The following PLAG1 variants were observed in gnomAD, a reference collection of about 807,000 sequenced individuals.
PLAG1 encodes the protein zinc finger protein PLAG1.
In PLAG1, 7 loss-of-function variants were observed where a neutral mutation model predicts 35.5. That is an observed-to-expected ratio of 0.20 (90% confidence interval 0.11 to 0.37). The LOEUF (loss-of-function observed/expected upper bound fraction) is 0.37. Ranked by LOEUF, PLAG1 falls within the 10% of genes least tolerant of loss-of-function variation. The pLI, the probability that PLAG1 is intolerant of heterozygous loss-of-function variation, is 1.00. For missense variants in PLAG1, 454 were observed against 602.8 expected (o/e 0.75, Z 2.58); for synonymous variants, 229 against 225.4 (o/e 1.02, Z -0.14).
chr8:56,179,952 G>C (rs1160987345), intron 1 of PLAG1, among the ~76,000 whole-genome samples: 1 of 152,044 alleles, frequency 6.6e-6, no homozygotes, highest in Admixed American at 6.5e-5. Flanking sequence ...CAGGCCACCT[G>C]TCCACAGAGA....
chr8:56,201,028 G>A (rs1585824778), intron 1 of PLAG1, among the ~76,000 whole-genome samples: 2 of 152,046 alleles, frequency 1.3e-5, no homozygotes, highest in East Asian at 1.9e-4. Context: ...GTTTATTATA[G>A]GGGAGACACA....
chr8:56,206,561 G>C (rs1812707460), intron 1 of PLAG1, among the ~76,000 whole-genome samples: 1 of 151,870 alleles, frequency 6.6e-6, no homozygotes, highest in South Asian at 2.1e-4. Flanking sequence ...CGGTAAAATA[G>C]AAAAGAATTC....
chr8:56,164,585 C>G lies in PLAG1; in HGVS notation c.*1658G>C. ...CTGTTTTTTTTTAAAGAGATATATA[C>G]TCTTCTAAAAACCTCCCACCCTTGC... is the stretch of plus-strand genomic sequence containing the variant. On this transcript the variant is annotated 3_prime_UTR_variant, in exon 5 of 5. Transcript: ENST00000316981. 2 of 222,114 alleles carry G rather than the reference C, an allele frequency of 9.0e-6. No homozygotes were observed. Among genetic ancestry groups the G allele is most frequent in the Non-Finnish European group, 1.8e-5 (2 of 110,946 alleles). The allele number at this position is 222,114 out of a possible 1,614,324, so 13.8% of individuals were successfully genotyped here.
rs893974314 is a variant in PLAG1, at chr8:56,161,171, A to G, written c.*5072T>C. ...CACACAAAAAATATGATCTTTGTCT[A>G]TATTTTATACAAATACAACAGTAGT... On this transcript the variant is annotated 3_prime_UTR_variant, in exon 5 of 5. Transcript: ENST00000316981. 10 of 193,024 alleles carry G rather than the reference A, an allele frequency of 5.2e-5. No homozygotes were observed. Among genetic ancestry groups the G allele is most frequent in the African/African-American group, 1.9e-4 (8 of 43,084 alleles). 12.0% of individuals were successfully genotyped at this position (193,024 alleles called of 1,614,324 possible).
chr8:56,210,081 C>G (rs902685870), intron 1 of PLAG1, among the ~76,000 whole-genome samples: 1 of 152,102 alleles, frequency 6.6e-6, no homozygotes, highest in African/African-American at 2.4e-5. Flanking sequence ...CCCTGCTTCT[C>G]TTGCATCGGA....
intron 2 of PLAG1, among the ~76,000 whole-genome samples, chr8:56,178,418 T>C (rs1164008585): frequency 6.6e-6 from 1 of 152,212 alleles, no homozygotes; most frequent in Non-Finnish European, 1.5e-5. Context: ...TAAAGATTTT[T>C]ATAGCATATA....
intron 1 of PLAG1, among the ~76,000 whole-genome samples, chr8:56,206,955 A>G (rs565129839): frequency 1.3e-5 from 2 of 152,136 alleles, no homozygotes; most frequent in East Asian, 3.9e-4. Context: ...AAAGAATCTA[A>G]GATGTTATCA....
At chr8:56,169,532 T>C (rs916622445) in intron 3 of PLAG1, among the ~76,000 whole-genome samples, 1 of 152,078 alleles carries the variant, frequency 6.6e-6, no homozygotes, top group East Asian at 1.9e-4. Context: ...TAAAGGCTAG[T>C]TGAGTGATGT....
intron 1 of PLAG1, among the ~76,000 whole-genome samples, chr8:56,190,365 GA>G (rs1757006562): frequency 6.6e-6 from 1 of 152,158 alleles, no homozygotes; most frequent in Non-Finnish European, 1.5e-5. Context: ...GAGTAGCAGG[GA>G]AAGCCAGGAT....
At position 56,166,755 on chromosome 8, in the gene PLAG1, A is replaced by C; in HGVS notation, c.991T>G (p.Ser331Ala). The change falls in exon 5 of 5, where the codon TCT (serine) becomes GCT (alanine). Residue 331 changes from serine to alanine, a missense_variant. Physicochemically the swap from Ser to Ala is moderately conservative, Grantham distance 99. Around this residue, in one of 4 missense-constraint regions of PLAG1, gnomAD observed 271 missense variants for 315.6 expected, o/e 0.86. Coordinates refer to ENST00000316981, the MANE Select transcript of PLAG1 (RefSeq NM_002655.3). ...GTAGAACTGAACGGATATTTGAAAG[A>C]AAGGTGGTGAGAGGGATGAACAGTG... is the stretch of plus-strand genomic sequence containing the variant. The part of the protein sequence containing the change: ...MDTVHPSHHL[S>A]FKYPFSSTSY... 1 of 1,614,084 alleles carries C rather than the reference A, an allele frequency of 6.2e-7. No homozygotes were observed. The highest frequency in any genetic ancestry group is 8.5e-7 in the Non-Finnish European group (1 of 1,179,982).
intron 1 of PLAG1, among the ~76,000 whole-genome samples, chr8:56,192,772 G>A (rs1046838320): frequency 1.3e-5 from 2 of 152,114 alleles, no homozygotes; most frequent in Non-Finnish European, 2.9e-5. Flanking sequence ...CTTTTTAAGA[G>A]ACTATAACGT....
intron 1 of PLAG1, among the ~76,000 whole-genome samples, chr8:56,188,676 G>A (rs888563501): frequency 2.6e-5 from 4 of 152,176 alleles, no homozygotes; most frequent in Non-Finnish European, 5.9e-5. Context: ...ACTTTCTCAT[G>A]TATCCACCTG....
intron 2 of PLAG1, among the ~76,000 whole-genome samples, chr8:56,173,227 A>G (rs2129226194): frequency 6.6e-6 from 1 of 152,258 alleles, no homozygotes; most frequent in African/African-American, 2.4e-5. Flanking sequence ...CACCCATTCT[A>G]TGTATTTTAC....
chr8:56,188,399 G>T (rs1026958698), intron 1 of PLAG1, among the ~76,000 whole-genome samples: 1 of 152,228 alleles, frequency 6.6e-6, no homozygotes, highest in Non-Finnish European at 1.5e-5. Flanking sequence ...AGCAATGTGT[G>T]ATAGCTGATG....
chr8:56,171,078 G>A lies in PLAG1; in HGVS notation c.-118+13C>T, dbSNP rs929538332. 20 of 755,330 alleles carry A rather than the reference G, an allele frequency of 2.6e-5. No homozygotes were observed. The highest frequency in any genetic ancestry group is 3.2e-5 in the Non-Finnish European group (20 of 619,496). The allele number at this position is 755,330 out of a possible 1,614,324, so 46.8% of individuals were successfully genotyped here. On this transcript the variant is annotated intron_variant, in intron 3 of 4. Transcript: ENST00000316981. The stretch of plus-strand genomic sequence containing the variant: ...ATGCATAGAATTATAGTGATTTTTA[G>A]TTCAATGCATACCTGATTACTGATG...
In PLAG1 at chr8:56,167,925, C is replaced by A; in HGVS notation, c.242+103G>T. 1.5e-6 allele frequency: 1 copy of A among 657,472 alleles called. No homozygotes were observed. Among genetic ancestry groups the A allele is most frequent in the South Asian group, 2.6e-5 (1 of 38,132 alleles). 40.7% of individuals were successfully genotyped at this position (657,472 alleles called of 1,614,324 possible). ...TAATCTACTTAACATTTCCTCTTTGCAAATTAGCTGAAAAATGTGTATACA... is the reference window on the plus strand; with the variant it reads ...TAATCTACTTAACATTTCCTCTTTGAAAATTAGCTGAAAAATGTGTATACA... On this transcript the variant is annotated intron_variant, in intron 4 of 4. Transcript: ENST00000316981. This position sits in a 1 kb window ranked among gnomAD's most constrained non-coding sequence, Gnocchi z 5.9.
Position 56,161,890 on chromosome 8 carries a change from A to G in PLAG1, c.*4353T>C, listed in dbSNP as rs556291131. 4.2e-4 allele frequency: 95 copies of G among 227,804 alleles called. No homozygotes were observed. Among genetic ancestry groups the G allele is most frequent in the African/African-American group, 2.1e-3 (94 of 45,108 alleles). The allele number at this position is 227,804 out of a possible 1,614,324, so 14.1% of individuals were successfully genotyped here. ...CTGTACCACTGAAGCTTATATAATGAAGTGTTTTATACATTAGCAATAGTT... is the reference window on the plus strand; with the variant it reads ...CTGTACCACTGAAGCTTATATAATGGAGTGTTTTATACATTAGCAATAGTT... On this transcript the variant is annotated 3_prime_UTR_variant, in exon 5 of 5. Coordinates refer to ENST00000316981, the MANE Select transcript of PLAG1 (RefSeq NM_002655.3).
At position 56,164,604 on chromosome 8, in the gene PLAG1, C is replaced by A. The variant is rs1241930903; in HGVS notation, c.*1639G>T. Reference sequence around the variant, plus strand: ...TATATACTCTTCTAAAAACCTCCCACCCTTGCCCCCATCCCCAACGGAAAG... The same window carrying A: ...TATATACTCTTCTAAAAACCTCCCAACCTTGCCCCCATCCCCAACGGAAAG... On this transcript the variant is annotated 3_prime_UTR_variant, in exon 5 of 5. Transcript: ENST00000316981. 9.0e-6 allele frequency: 2 copies of A among 222,382 alleles called. No individual in the cohort carries two copies. The highest frequency in any genetic ancestry group is 1.8e-5 in the Non-Finnish European group (2 of 111,078). The allele number at this position is 222,382 out of a possible 1,614,324, so 13.8% of individuals were successfully genotyped here. A position where few individuals can be genotyped will look rare whatever the true frequency, so the allele number is the denominator to read the frequency against.
In PLAG1 at chr8:56,165,903, T is replaced by A. The variant is rs1585772727; in HGVS notation, c.*340A>T. On this transcript the variant is annotated 3_prime_UTR_variant, in exon 5 of 5. Transcript: ENST00000316981. ...ATGTCAAAAGGTAGAGCCACTGTTA[T>A]TAGACAAAAATGAAAATTTTAAGAT... The A allele has an allele frequency of 4.8e-6, 1 of 208,036 alleles. No individual in the cohort carries two copies. The highest frequency in any genetic ancestry group is 5.8e-5 in the Admixed American group (1 of 17,128). 12.9% of individuals were successfully genotyped at this position (208,036 alleles called of 1,614,324 possible). A position where few individuals can be genotyped will look rare whatever the true frequency, so the allele number is the denominator to read the frequency against.
Sources: allele counts gnomAD v4.1 joint callset (sites outside exome capture counted in the v4.1 genomes callset), GRCh38; gene constraint gnomAD v4.1.1; regional missense constraint gnomAD v4.1.1; non-coding constraint Gnocchi (gnomAD v3.1); transcripts MANE v1.5; gene names NCBI Gene and HGNC (gene_info 2026-07-23, HGNC 2026-07-21).